The following TPX2 variants were observed in gnomAD, a reference collection of about 807,000 sequenced individuals.
TPX2 encodes TPX2 microtubule nucleation factor, also known as targeting protein for Xklp2.
TPX2 carries 21 observed loss-of-function variants against 93.6 expected under a neutral mutation model. The observed-to-expected ratio is 0.22, with a 90% CI of 0.16 to 0.32. The LOEUF is 0.32. Ranked by LOEUF, TPX2 falls within the 10% of genes least tolerant of loss-of-function variation. The probability of loss-of-function intolerance (pLI) is 1.00; values close to 1 mark genes in which losing one functional copy is unlikely to be tolerated. For synonymous variants in TPX2, 281 were observed against 298.3 expected, an observed-to-expected ratio of 0.94 and a Z score of 0.60; for missense variants, 776 against 871.1, an observed-to-expected ratio of 0.89 and a Z score of 1.37.
intron 8 of TPX2, among the ~76,000 whole-genome samples, chr20:31,776,933 T>A (rs1223176954): frequency 2.0e-5 from 3 of 152,198 alleles, no homozygotes; most frequent in South Asian, 2.1e-4. Flanking sequence ...GTTTTCCTAT[T>A]TTTTTCTAAA....
intron 2 of TPX2, among the ~76,000 whole-genome samples, chr20:31,755,238 G>A (rs571258853): frequency 3.1e-4 from 47 of 151,126 alleles, no homozygotes; most frequent in African/African-American, 1.0e-3. Context: ...GTGAGCCACC[G>A]TGCCCGGCCG....
At chr20:31,789,417 T>C (rs1476810387) in intron 12 of TPX2, among the ~76,000 whole-genome samples, 1 of 152,130 alleles carries the variant, frequency 6.6e-6, no homozygotes, top group Non-Finnish European at 1.5e-5. Context: ...ACGGCCCTTG[T>C]CCTCAAAGCT....
chr20:31,770,917 G>A (rs887550835), intron 6 of TPX2, among the ~76,000 whole-genome samples: 27 of 110,788 alleles, frequency 2.4e-4, no homozygotes, highest in Middle Eastern at 5.4e-3. Flanking sequence ...TTTTTTTTTC[G>A]TACTTGTTCT....
chr20:31,783,620 A>G (rs971927238), intron 11 of TPX2, 85 bp from the exon 12 acceptor site: 6 of 1,274,750 alleles, frequency 4.7e-6, no homozygotes, highest in Non-Finnish European at 6.7e-6. Flanking sequence ...AATGATTACT[A>G]TTCTTTGTGG....
chr20:31,801,288 G>A lies in TPX2; in HGVS notation c.*208G>A. 1.9e-6 allele frequency: 1 copy of A among 523,654 alleles called. No individual in the cohort carries two copies. Among genetic ancestry groups the A allele is most frequent in the Non-Finnish European group, 3.4e-6 (1 of 291,358 alleles). 32.4% of individuals were successfully genotyped at this position (523,654 alleles called of 1,614,324 possible). ...ACATTACTAAGGCTAATAATGAGAT[G>A]TAACTCATGAATGTCTCGATTAGAC... On this transcript the variant is annotated 3_prime_UTR_variant, in exon 18 of 18. Coordinates refer to ENST00000300403, the MANE Select transcript of TPX2 (RefSeq NM_012112.5).
intron 15 of TPX2, among the ~76,000 whole-genome samples, chr20:31,795,238 A>G (rs2062130393): frequency 6.6e-6 from 1 of 152,048 alleles, no homozygotes; most frequent in Non-Finnish European, 1.5e-5. Flanking sequence ...GGTTCAAGTG[A>G]TTCTCCCACC....
intron 17 of TPX2, among the ~76,000 whole-genome samples, chr20:31,800,144 A>G (rs992841066): frequency 6.6e-6 from 1 of 152,182 alleles, no homozygotes; most frequent in African/African-American, 2.4e-5. Flanking sequence ...AGCTATTGGC[A>G]TAGGTGATTA....
intron 2 of TPX2, among the ~76,000 whole-genome samples, chr20:31,754,944 G>GTTTA (rs1232904879): frequency 1.3e-5 from 2 of 151,868 alleles, no homozygotes; most frequent in Non-Finnish European, 2.9e-5. Flanking sequence ...AGCATTATAG[G>GTTTA]TTTATTTATT....
chr20:31,763,294 C>T (rs1252452931), intron 4 of TPX2, among the ~76,000 whole-genome samples: 1 of 152,142 alleles, frequency 6.6e-6, no homozygotes, highest in Non-Finnish European at 1.5e-5. Context: ...ATTCTCCTGC[C>T]TCAGCCTCTG....
intron 2 of TPX2, among the ~76,000 whole-genome samples, chr20:31,748,414 T>C (rs1195272549): frequency 6.6e-6 from 1 of 152,134 alleles, no homozygotes; most frequent in Non-Finnish European, 1.5e-5. Flanking sequence ...TGGAAAAGTA[T>C]ACTTAAAAAA....
At chr20:31,758,411 C>A (rs201404340) in intron 3 of TPX2, among the ~76,000 whole-genome samples, 68 of 152,290 alleles carry the variant, frequency 4.5e-4, no homozygotes, top group African/African-American at 1.6e-3. Context: ...TGAGCCACTG[C>A]GCCTGGCCCT....
intron 12 of TPX2, among the ~76,000 whole-genome samples, chr20:31,788,235 G>A (rs563468199): frequency 3.0e-3 from 459 of 152,030 alleles, no homozygotes; most frequent in Middle Eastern, 0.024. Context: ...TGCCCAACAT[G>A]GTGAAACCCT....
At chr20:31,743,884 G>A (rs1354475629) in intron 2 of TPX2, among the ~76,000 whole-genome samples, 1 of 150,370 alleles carries the variant, frequency 6.7e-6, no homozygotes, top group Non-Finnish European at 1.5e-5. Context: ...GCCACACCTG[G>A]CTAATTTTGT....
intron 2 of TPX2, among the ~76,000 whole-genome samples, chr20:31,743,535 A>G (rs879466745): frequency 7.9e-5 from 12 of 151,948 alleles, no homozygotes; most frequent in Non-Finnish European, 1.0e-4. Context: ...AAAAAATAAA[A>G]CATAAAAAAA....
At chr20:31,777,700 G>A (rs2062009931) in intron 9 of TPX2, 62 bp downstream of exon 9, 3 of 1,553,152 alleles carry the variant, frequency 1.9e-6, no homozygotes, top group East Asian at 2.3e-5. Context: ...TTTACGTGTA[G>A]CATTTGTGGT....
intron 12 of TPX2, 26 bp from the exon 13 acceptor site, chr20:31,792,709 C>T (rs1330873567): frequency 1.3e-6 from 2 of 1,585,176 alleles, no homozygotes; most frequent in Non-Finnish European, 1.7e-6. Context: ...TTTGTGATAT[C>T]TAATTGAGTT....
chr20:31,782,234 C>A lies in TPX2; in HGVS notation c.1055-15C>A. 6.3e-7 allele frequency: 1 copy of A among 1,598,776 alleles called. No individual in the cohort carries two copies. The highest frequency in any genetic ancestry group is 1.1e-5 in the South Asian group (1 of 88,858). ...CTTGCGGATCTAGATGAACATCTGTCATCTCTGTTTACAGACCTGTTACCC... is the reference window on the plus strand; with the variant it reads ...CTTGCGGATCTAGATGAACATCTGTAATCTCTGTTTACAGACCTGTTACCC... On this transcript the variant is annotated splice_polypyrimidine_tract_variant and intron_variant, in intron 10 of 17. Coordinates refer to ENST00000300403, the MANE Select transcript of TPX2 (RefSeq NM_012112.5).
chr20:31,757,535 C>T lies in TPX2; in HGVS notation c.59C>T (p.Ser20Leu), dbSNP rs1368078386. ...GCCCCCTCGGATTTCATCAATTTTT[C>T]ATCCTTGGATGATGAAGGAGATACT... is the stretch of plus-strand genomic sequence containing the variant. ...YDAPSDFINFSSLDDEGDTQN... is the reference protein window; with the variant it reads ...YDAPSDFINFLSLDDEGDTQN... The change falls in exon 3 of 18, where the codon TCA becomes TTA. Residue 20 changes from serine (S) to leucine (L), a missense_variant. Ser to Leu is a moderately radical substitution (Grantham distance 145). Transcript: ENST00000300403. The T allele has an allele frequency of 6.2e-7, 1 of 1,614,040 alleles. No homozygotes were observed. The highest frequency in any genetic ancestry group is 2.2e-5 in the East Asian group (1 of 44,856).
intron 4 of TPX2, among the ~76,000 whole-genome samples, 156 bp downstream of exon 4, chr20:31,760,335 T>G (rs2061881706): frequency 6.6e-6 from 1 of 152,128 alleles, no homozygotes; most frequent in Non-Finnish European, 1.5e-5. Flanking sequence ...AAACTAATGA[T>G]GTGCTACACT....
Sources: gnomAD v4.1 joint callset for allele counts (sites outside exome capture counted in the v4.1 genomes callset) on GRCh38, gnomAD v4.1.1 for gene constraint, MANE v1.5 for transcripts, NCBI Gene and HGNC (gene_info 2026-07-23, HGNC 2026-07-21) for gene names.